The following CNOT1 variants were observed in gnomAD, a reference collection of about 807,000 sequenced individuals.
CNOT1 encodes CCR4-associated factor 1.
In CNOT1, 15 loss-of-function variants were observed where a neutral mutation model predicts 273.8. The ratio of observed to expected loss-of-function variants is 0.05; its 90% confidence interval spans 0.04 to 0.08. The LOEUF is 0.08. Among genes scored for constraint, CNOT1 ranks in the 10% least tolerant of loss-of-function variants. The pLI is 1.00. For synonymous variants in CNOT1, 1,022 were observed against 1,005.5 expected, an observed-to-expected ratio of 1.02 and a Z score of -0.31; for missense variants, 1,644 against 2,912.2, an observed-to-expected ratio of 0.56 and a Z score of 10.02.
At chr16:58,534,560 G>C (rs1220011659) in intron 39 of CNOT1, among the ~76,000 whole-genome samples, 165 bp from the exon 40 acceptor site, 1 of 152,036 alleles carries the variant, frequency 6.6e-6, no homozygotes, top group Non-Finnish European at 1.5e-5. Flanking sequence ...TTCCCATTAA[G>C]GTGCCATGAC....
At chr16:58,573,771 G>C (rs1029793254) in intron 16 of CNOT1, among the ~76,000 whole-genome samples, 2 of 151,148 alleles carry the variant, frequency 1.3e-5, no homozygotes, top group Admixed American at 1.3e-4. Context: ...ATGAGCCACC[G>C]CACCCAGCCT....
intron 43 of CNOT1, among the ~76,000 whole-genome samples, chr16:58,529,212 C>A (rs2039694325): frequency 6.6e-6 from 1 of 152,080 alleles, no homozygotes; most frequent in Non-Finnish European, 1.5e-5. Flanking sequence ...GGAAATAGAA[C>A]ACCTTAGCAC....
chr16:58,615,953 G>A (rs1304076022), intron 1 of CNOT1, among the ~76,000 whole-genome samples: 1 of 117,950 alleles, frequency 8.5e-6, no homozygotes, highest in African/African-American at 2.9e-5. Flanking sequence ...AAGGTGCAGT[G>A]GCAAATGCCT....
At chr16:58,533,777 A>T (rs1349867743) in intron 40 of CNOT1, among the ~76,000 whole-genome samples, 2 of 152,226 alleles carry the variant, frequency 1.3e-5, no homozygotes, top group African/African-American at 4.8e-5. Context: ...GTAAGCCGAG[A>T]TTGCACCACT....
At chr16:58,615,504 G>C (rs1371261050) in intron 1 of CNOT1, among the ~76,000 whole-genome samples, 1 of 124,676 alleles carries the variant, frequency 8.0e-6, no homozygotes, top group African/African-American at 2.7e-5. Context: ...ACCTAGAGGA[G>C]GATGATGTCA....
At chr16:58,607,721 C>CAAAAAA (rs71385179) in intron 1 of CNOT1, among the ~76,000 whole-genome samples, 283 of 66,696 alleles carry the variant, frequency 4.2e-3, no homozygotes, top group African/African-American at 0.011. Context: ...CAGCAAAACT[C>CAAAAAA]AAAAAAAAAA....
intron 1 of CNOT1, among the ~76,000 whole-genome samples, chr16:58,622,017 G>T (rs139249912): frequency 1.7e-4 from 25 of 147,974 alleles, no homozygotes; most frequent in South Asian, 6.6e-4. Context: ...TTCATCAATT[G>T]TAAGAAATGT....
At chr16:58,594,510 A>C (rs1432638081) in intron 2 of CNOT1, among the ~76,000 whole-genome samples, 1 of 152,008 alleles carries the variant, frequency 6.6e-6, no homozygotes, top group Non-Finnish European at 1.5e-5. Flanking sequence ...ATATTTTAAA[A>C]GGGTGAAATC....
Position 58,576,720 on chromosome 16 carries a change from C to A in CNOT1, c.1585-138G>T, listed in dbSNP as rs561900149. The A allele has an allele frequency of 1.0e-5, 14 of 1,360,082 alleles. No homozygotes were observed. In the East Asian group the frequency reaches 3.1e-4, roughly 30 times the overall value. The allele number at this position is 1,360,082 out of a possible 1,614,324, so 84.3% of individuals were successfully genotyped here. A position where few individuals can be genotyped will look rare whatever the true frequency, so the allele number is the denominator to read the frequency against. Reference sequence around the variant, plus strand: ...GCTGACATTAAGTTCAGGCCTCAAACTATGCAATTACCGTGACGTTCTTTA... The same window carrying A: ...GCTGACATTAAGTTCAGGCCTCAAAATATGCAATTACCGTGACGTTCTTTA... On this transcript the variant is annotated intron_variant, in intron 13 of 48. Coordinates refer to ENST00000317147, the MANE Select transcript of CNOT1 (RefSeq NM_016284.5).
Position 58,532,279 on chromosome 16 carries a change from A to T in CNOT1, c.6012T>A (p.Pro2004=). 6.2e-7 allele frequency: 1 copy of T among 1,614,216 alleles called. No individual in the cohort carries two copies. The change falls in exon 41 of 49, where the codon CCT becomes CCA. Residue 2004 remains proline (P), a synonymous_variant. Transcript: ENST00000317147. The part of the protein sequence containing the change: ...FIMLLLELNA[P]EHVLETINFQ... ...AATTAATGGTTTCCAACACATGCTC[A>T]GGTGCATTGAGTTCCAAGAGAAGCA... is the stretch of plus-strand genomic sequence containing the variant.
chr16:58,581,252 T>C (rs2041649178), intron 11 of CNOT1, 93 bp downstream of exon 11: 2 of 1,406,894 alleles, frequency 1.4e-6, no homozygotes, highest in Middle Eastern at 1.8e-4. Flanking sequence ...AATTCTACTT[T>C]ACAAGAATAT....
Position 58,586,626 on chromosome 16 carries a change from AGAG to A in CNOT1, c.553_555del (p.Leu185del). The stretch of plus-strand genomic sequence containing the variant: ...CCCTTCTGCCCAAAGAGGAGATGGG[AGAG>A]GAGGAGGTGTAGGACCTCTATTGCT... On this transcript the variant is annotated inframe_deletion, in exon 7 of 49. Transcript: ENST00000317147. 1 of 1,612,786 alleles carries A rather than the reference AGAG, an allele frequency of 6.2e-7. No individual in the cohort carries two copies. Among genetic ancestry groups the A allele is most frequent in the Non-Finnish European group, 8.5e-7 (1 of 1,179,736 alleles).
intron 28 of CNOT1, 32 bp from the exon 29 acceptor site, chr16:58,546,530 TAAAAG>T: frequency 6.2e-7 from 1 of 1,600,586 alleles, no homozygotes; most frequent in Non-Finnish European, 8.5e-7. Flanking sequence ...TTAGAATTTT[TAAAAG>T]AAAACTTTAG....
At chr16:58,603,134 C>A (rs962028096) in intron 1 of CNOT1, among the ~76,000 whole-genome samples, 1 of 152,206 alleles carries the variant, frequency 6.6e-6, no homozygotes, top group Admixed American at 6.5e-5. Flanking sequence ...ATATCTCTCA[C>A]CTGGATTACT....
intron 8 of CNOT1, 82 bp downstream of exon 8, chr16:58,585,256 G>T: frequency 1.3e-6 from 2 of 1,570,710 alleles, no homozygotes; most frequent in African/African-American, 1.4e-5. Context: ...TTAACTTTAA[G>T]GAATTTTAGA....
intron 16 of CNOT1, among the ~76,000 whole-genome samples, chr16:58,573,825 A>C (rs904449026): frequency 3.3e-5 from 5 of 152,150 alleles, no homozygotes; most frequent in African/African-American, 1.2e-4. Flanking sequence ...CAAGGAACCG[A>C]GAAGAGCTGC....
Position 58,525,512 on chromosome 16 carries a change from C to T in CNOT1, c.6604-153G>A, listed in dbSNP as rs948429330. On this transcript the variant is annotated intron_variant, in intron 45 of 48. Coordinates refer to ENST00000317147, the MANE Select transcript of CNOT1 (RefSeq NM_016284.5). ...AATTTGTGAGGTTATTTAACAAACACACAGATGCTCCAAAGGTGGTTGTAT... is the reference window on the plus strand; with the variant it reads ...AATTTGTGAGGTTATTTAACAAACATACAGATGCTCCAAAGGTGGTTGTAT... The T allele has an allele frequency of 2.5e-5, 16 of 649,028 alleles. No homozygotes were observed. In the Middle Eastern group the frequency reaches 1.7e-3, roughly 69 times the overall value. The allele number at this position is 649,028 out of a possible 1,614,324, so 40.2% of individuals were successfully genotyped here.
chr16:58,591,512 G>C (rs976769829), intron 2 of CNOT1, among the ~76,000 whole-genome samples: 5 of 152,196 alleles, frequency 3.3e-5, no homozygotes, highest in African/African-American at 1.2e-4. Context: ...CCAGCAGTTT[G>C]TGGGGCTGAA....
In CNOT1 at chr16:58,583,165, T is replaced by C. The variant is rs1288177216; in HGVS notation, c.824A>G (p.Asn275Ser). 6.2e-7 allele frequency: 1 copy of C among 1,613,964 alleles called. No individual in the cohort carries two copies. ...CCGAACACCAAACTGCACGATTATA[T>C]TGCGACATTCTTCAATACTGAAACA... ...GFCASIEECR[N>S]IIVQFGVREV... Residue 275 changes from asparagine to serine, a missense_variant, in exon 9 of 49, where the codon AAT becomes AGT. Asn to Ser is a conservative substitution (Grantham distance 46). Coordinates refer to ENST00000317147, the MANE Select transcript of CNOT1 (RefSeq NM_016284.5).
Sources: gnomAD v4.1 joint callset for allele counts (sites outside exome capture counted in the v4.1 genomes callset) on GRCh38, gnomAD v4.1.1 for gene constraint, MANE v1.5 for transcripts, NCBI Gene and HGNC (gene_info 2026-07-23, HGNC 2026-07-21) for gene names.